REC114: variants seen among roughly 807,000 people sequenced by gnomAD.
REC114 encodes meiotic recombination protein REC114.
A neutral mutation model predicts 31.3 loss-of-function variants in REC114; 27 were observed. The observed-to-expected ratio is 0.86, with a 90% CI of 0.64 to 1.19. The LOEUF (loss-of-function observed/expected upper bound fraction) is 1.19. Among genes scored for constraint, REC114 ranks in the 50% most tolerant of loss-of-function variants. REC114 has a pLI of 0.00. For missense variants in REC114, 344 were observed against 326.9 expected (o/e 1.05, Z -0.40); for synonymous variants, 134 against 127.7 (o/e 1.05, Z -0.33).
chr15:73,558,797 T>C (rs1179680775), intron 5 of REC114, among the ~76,000 whole-genome samples: 1 of 152,214 alleles, frequency 6.6e-6, no homozygotes, highest in African/African-American at 2.4e-5. Flanking sequence ...GACTCAATCC[T>C]AGGTATTTAC....
chr15:73,486,969 C>T (rs1196786188), intron 2 of REC114, among the ~76,000 whole-genome samples: 5 of 151,742 alleles, frequency 3.3e-5, no homozygotes, highest in African/African-American at 7.3e-5. Context: ...TGCGGTGAGC[C>T]GAGATCGCAC....
intron 2 of REC114, among the ~76,000 whole-genome samples, chr15:73,538,835 T>A (rs2141329201): frequency 6.6e-6 from 1 of 151,832 alleles, no homozygotes; most frequent in African/African-American, 2.4e-5. Context: ...TTGTATAGAG[T>A]ACCACAATTT....
intron 2 of REC114, among the ~76,000 whole-genome samples, chr15:73,497,921 A>G (rs1316031419): frequency 6.6e-6 from 1 of 152,214 alleles, no homozygotes; most frequent in Non-Finnish European, 1.5e-5. Context: ...GTAAATAATT[A>G]CTGAATTCCC....
intron 2 of REC114, among the ~76,000 whole-genome samples, chr15:73,519,631 A>G (rs997614224): frequency 9.8e-5 from 15 of 152,370 alleles, no homozygotes; most frequent in African/African-American, 1.2e-4. Context: ...TTCTGCATCT[A>G]TATCCAAAAG....
chr15:73,522,492 G>A (rs773853149), intron 2 of REC114, among the ~76,000 whole-genome samples: 4 of 152,100 alleles, frequency 2.6e-5, no homozygotes, highest in Admixed American at 2.0e-4. Flanking sequence ...TCTGCTTTCC[G>A]TTAGTGTAGA....
chr15:73,483,453 G>A (rs1261810733), intron 2 of REC114: 2 of 152,962 alleles, frequency 1.3e-5, no homozygotes, highest in African/African-American at 4.8e-5. Context: ...GTCTAACGAA[G>A]GTTTTTGAGC....
At chr15:73,523,326 A>G (rs1161250406) in intron 2 of REC114, among the ~76,000 whole-genome samples, 1 of 152,138 alleles carries the variant, frequency 6.6e-6, no homozygotes, top group African/African-American at 2.4e-5. Context: ...CCAAAAAAAA[A>G]AAGGGGGAAA....
intron 2 of REC114, among the ~76,000 whole-genome samples, chr15:73,516,659 C>A (rs541286444): frequency 6.6e-6 from 1 of 152,224 alleles, no homozygotes; most frequent in South Asian, 2.1e-4. Context: ...AATTTTTATA[C>A]TCTTGTTACC....
chr15:73,538,611 C>T (rs940743905), intron 2 of REC114, among the ~76,000 whole-genome samples: 1 of 151,870 alleles, frequency 6.6e-6, no homozygotes, highest in African/African-American at 2.4e-5. Context: ...CACCCGCCAC[C>T]GCACCCAGCT....
chr15:73,508,292 G>C (rs1463959640), intron 2 of REC114, among the ~76,000 whole-genome samples: 1 of 152,012 alleles, frequency 6.6e-6, no homozygotes, highest in Non-Finnish European at 1.5e-5. Context: ...TTAATATATT[G>C]TGTGTTGATA....
In REC114 at chr15:73,537,808, C is replaced by T. The variant is rs577869529; in HGVS notation, c.250-2677C>T. Reference sequence around the variant, plus strand: ...AAAAGGCATAGAGAAAGCTTTTATTCCCACCCCTGCCACATCTGCACTGTT... The same window carrying T: ...AAAAGGCATAGAGAAAGCTTTTATTTCCACCCCTGCCACATCTGCACTGTT... On this transcript the variant is annotated intron_variant, in intron 2 of 5. Coordinates refer to ENST00000331090, the MANE Select transcript of REC114 (RefSeq NM_001042367.2). 7.9e-5 allele frequency among the ~76,000 whole-genome samples: 12 copies of T among 152,248 alleles called. No homozygotes were observed. The South Asian group carries it at 2.5e-3, about 32-fold the overall frequency.
chr15:73,465,807 A>G (rs1893048915), intron 1 of REC114, among the ~76,000 whole-genome samples: 1 of 152,200 alleles, frequency 6.6e-6, no homozygotes, highest in African/African-American at 2.4e-5. Flanking sequence ...AGGAAAAAAA[A>G]TCCACAACTA....
At chr15:73,559,715 C>T (rs1894547325) in intron 5 of REC114, 37 bp from the exon 6 acceptor site, 2 of 1,504,330 alleles carry the variant, frequency 1.3e-6, no homozygotes. Context: ...ATTGCTTTTA[C>T]CTGTAATCTG....
intron 2 of REC114, among the ~76,000 whole-genome samples, chr15:73,496,976 A>G (rs1304104000): frequency 1.3e-5 from 2 of 150,864 alleles, no homozygotes; most frequent in African/African-American, 2.4e-5. Context: ...AGTACTAGCC[A>G]GTTACCTTGT....
chr15:73,474,109 G>T (rs190045462), intron 2 of REC114, among the ~76,000 whole-genome samples, 188 bp downstream of exon 2: 5 of 152,264 alleles, frequency 3.3e-5, no homozygotes, highest in South Asian at 4.1e-4. Context: ...TGCCCTAAAG[G>T]GGTTTAGGAT....
At chr15:73,555,860 C>A (rs928584798) in intron 4 of REC114, among the ~76,000 whole-genome samples, 1 of 152,162 alleles carries the variant, frequency 6.6e-6, no homozygotes, top group African/African-American at 2.4e-5. Flanking sequence ...TTTTGCATTT[C>A]TTCAATGAAC....
intron 1 of REC114, among the ~76,000 whole-genome samples, chr15:73,465,433 T>G (rs986942894): frequency 1.3e-5 from 2 of 152,226 alleles, no homozygotes; most frequent in African/African-American, 4.8e-5. Context: ...TGGTTAACTT[T>G]CATACCTTTG....
At chr15:73,500,363 A>C (rs1345744867) in intron 2 of REC114, among the ~76,000 whole-genome samples, 1 of 151,590 alleles carries the variant, frequency 6.6e-6, no homozygotes, top group African/African-American at 2.4e-5. Flanking sequence ...AAAAAAAAAA[A>C]AAAAACTTGT....
chr15:73,477,499 C>T (rs1347905625), intron 2 of REC114, among the ~76,000 whole-genome samples: 1 of 152,158 alleles, frequency 6.6e-6, no homozygotes, highest in Non-Finnish European at 1.5e-5. Flanking sequence ...TCACTGCAGC[C>T]TTGACCTCCC....
Sources: gnomAD v4.1 joint callset for allele counts (sites outside exome capture counted in the v4.1 genomes callset) on GRCh38, gnomAD v4.1.1 for gene constraint, MANE v1.5 for transcripts, NCBI Gene and HGNC (gene_info 2026-07-23, HGNC 2026-07-21) for gene names.